Variants in CIAO2A observed in about 807,000 individuals in gnomAD.
CIAO2A encodes the protein cytosolic iron-sulfur assembly component 2A.
In CIAO2A, 17 loss-of-function variants were observed where a neutral mutation model predicts 22.4. That is an observed-to-expected ratio of 0.76 (90% CI 0.52 to 1.14). The LOEUF (loss-of-function observed/expected upper bound fraction) is 1.14, where lower values mean the gene tolerates loss of function less well. Ranked by LOEUF, CIAO2A falls within the 50% of genes most tolerant of loss-of-function variation. CIAO2A has a pLI of 0.00. For missense variants in CIAO2A, 192 were observed against 191.4 expected, an observed-to-expected ratio of 1.00 and a Z score of -0.02; for synonymous variants, 74 against 72.3, an observed-to-expected ratio of 1.02 and a Z score of -0.12.
Position 64,072,654 on chromosome 15 carries a change from T to G in CIAO2A, c.*277A>C, listed in dbSNP as rs1247396911. The G allele has an allele frequency of 3.8e-6, 1 of 262,760 alleles. No individual in the cohort carries two copies. The highest frequency in any genetic ancestry group is 2.2e-5 in the African/African-American group (1 of 45,270). 16.3% of individuals were successfully genotyped at this position (262,760 alleles called of 1,614,324 possible). A position where few individuals can be genotyped will look rare whatever the true frequency, so the allele number is the denominator to read the frequency against. ...AGATATTTGACACGAAAAATAGTTG[T>G]ATCAGAATGAGCATCAGAAAAATAG... is the stretch of plus-strand genomic sequence containing the variant. On this transcript the variant is annotated 3_prime_UTR_variant, in exon 5 of 5. Transcript: ENST00000300030.
In CIAO2A at chr15:64,092,232, C is replaced by T. The variant is rs544807727; in HGVS notation, c.124+1413G>A. Among the ~76,000 whole-genome samples the T allele has an allele frequency of 1.4e-4, 21 of 152,258 alleles. No individual in the cohort carries two copies. The South Asian group carries it at 3.5e-3, about 26-fold the overall frequency. On this transcript the variant is annotated intron_variant, in intron 1 of 4. Coordinates refer to ENST00000300030, the MANE Select transcript of CIAO2A (RefSeq NM_032231.7). ...AGAACAATGTTCAACCACATCTTCA[C>T]ATTTAACCACAAACCCTATCCTATA...
At position 64,072,957 on chromosome 15, in the gene CIAO2A, C is replaced by A; in HGVS notation, c.457G>T (p.Glu153Ter). 2 of 1,613,614 alleles carry A rather than the reference C, an allele frequency of 1.2e-6. No individual in the cohort carries two copies. The highest frequency in any genetic ancestry group is 1.7e-6 in the Non-Finnish European group (2 of 1,179,596). Residue 153 changes from glutamate to a stop codon, truncating the protein, a stop_gained, in exon 5 of 5, where the codon GAA becomes TAA. Coordinates refer to ENST00000300030, the MANE Select transcript of CIAO2A (RefSeq NM_032231.7). LOFTEE classifies it high-confidence loss of function. ...MENPNLREIV[E>*]QCVLEPD ...CAGTCAGGTTCAAGGACACACTGTT[C>A]CACAATTTCCCGTAAGTTGGGGTTT...
In CIAO2A at chr15:64,075,517, T is replaced by A; in HGVS notation, c.360A>T (p.Glu120Asp). 6.3e-7 allele frequency: 1 copy of A among 1,584,776 alleles called. No homozygotes were observed. The highest frequency in any genetic ancestry group is 8.6e-7 in the Non-Finnish European group (1 of 1,165,126). The change falls in exon 4 of 5, where the codon GAA becomes GAT. Residue 120 changes from glutamate to aspartate, a missense_variant. Glu to Asp is a conservative substitution (Grantham distance 45). Transcript: ENST00000300030. ...TGTCTTCTTCTGTTGAGTGGGTTCC[T>A]TCAGAAATGTAGATTTCCAACTGGA... ...FKHKLEIYIS[E>D]GTHSTEEDIN...
intron 1 of CIAO2A, among the ~76,000 whole-genome samples, chr15:64,090,904 G>A (rs2080835227): frequency 6.6e-6 from 1 of 152,118 alleles, no homozygotes; most frequent in Non-Finnish European, 1.5e-5. Flanking sequence ...AAGGGAGTGG[G>A]ATCAAATATT....
chr15:64,074,557 T>C (rs2080702109), intron 4 of CIAO2A: 1 of 152,208 alleles, frequency 6.6e-6, no homozygotes, highest in African/African-American at 2.4e-5. Context: ...TCGTGGGGTT[T>C]AAAGAAATTC....
At chr15:64,074,102 A>T (rs548028097) in intron 4 of CIAO2A, among the ~76,000 whole-genome samples, 47 of 152,108 alleles carry the variant, frequency 3.1e-4, no homozygotes, top group East Asian at 2.3e-3. Flanking sequence ...ATCTTTTTTT[A>T]AAATTAGTTT....
intron 2 of CIAO2A, among the ~76,000 whole-genome samples, chr15:64,084,702 G>C (rs1036002254): frequency 1.3e-5 from 2 of 152,124 alleles, no homozygotes; most frequent in Non-Finnish European, 2.9e-5. Context: ...CTGGGAGGTG[G>C]AGGTTGTGGT....
In CIAO2A at chr15:64,076,385, A is replaced by G. The variant is rs569704147; in HGVS notation, c.340-848T>C. On this transcript the variant is annotated intron_variant, in intron 3 of 4. Coordinates refer to ENST00000300030, the MANE Select transcript of CIAO2A (RefSeq NM_032231.7). ...CTTGTTTTACAAAAATGGGATCACA[A>G]TATAGTTTTCAGCATCCTTCTTTTC... Among the ~76,000 whole-genome samples the G allele has an allele frequency of 9.2e-4, 140 of 152,268 alleles. 1 individual carries two copies. The highest frequency in any genetic ancestry group is 3.0e-3 in the African/African-American group (124 of 41,556).
chr15:64,080,217 C>G (rs1301230981), intron 3 of CIAO2A, among the ~76,000 whole-genome samples: 1 of 151,650 alleles, frequency 6.6e-6, no homozygotes, highest in Non-Finnish European at 1.5e-5. Flanking sequence ...GAAACCCTGT[C>G]TCTACTAAAA....
chr15:64,085,442 C>T (rs1265302783), intron 2 of CIAO2A, among the ~76,000 whole-genome samples: 1 of 152,090 alleles, frequency 6.6e-6, no homozygotes, highest in African/African-American at 2.4e-5. Context: ...AGGCTGCCTG[C>T]AGTGAGCCGA....
intron 2 of CIAO2A, among the ~76,000 whole-genome samples, chr15:64,085,514 A>T (rs780217233): frequency 1.3e-5 from 2 of 152,230 alleles, no homozygotes; most frequent in Non-Finnish European, 2.9e-5. Flanking sequence ...CAACAAAAAA[A>T]ATTTAAAAAA....
Position 64,076,045 on chromosome 15 carries a change from G to C in CIAO2A, c.340-508C>G, listed in dbSNP as rs1272016461. 2.6e-5 allele frequency among the ~76,000 whole-genome samples: 4 copies of C among 151,782 alleles called. No individual in the cohort carries two copies. In the East Asian group the frequency reaches 7.7e-4, roughly 29 times the overall value. ...AAAAAAAAAAGGACTGAAATGAGTA[G>C]GATTTTTTATTTTGTTCACCTGGAA... On this transcript the variant is annotated intron_variant, in intron 3 of 4. Transcript: ENST00000300030.
intron 1 of CIAO2A, among the ~76,000 whole-genome samples, chr15:64,092,251 T>A (rs2080846004): frequency 6.6e-6 from 1 of 152,014 alleles, no homozygotes. Context: ...ACAAACCCTA[T>A]CCTATAGCCC....
At chr15:64,089,328 G>C (rs183470040) in intron 1 of CIAO2A, among the ~76,000 whole-genome samples, 3 of 152,220 alleles carry the variant, frequency 2.0e-5, no homozygotes, top group Non-Finnish European at 4.4e-5. Context: ...TTCGAGACCA[G>C]CCTCAGCAAC....
chr15:64,093,779 A>C lies in CIAO2A; in HGVS notation c.-11T>G, dbSNP rs550787928. 1.8e-4 allele frequency: 286 copies of C among 1,609,402 alleles called. 2 individuals are homozygous for C. The Middle Eastern group carries it at 2.2e-3, about 12-fold the overall frequency. On this transcript the variant is annotated 5_prime_UTR_variant, in exon 1 of 5. Transcript: ENST00000300030. The stretch of plus-strand genomic sequence containing the variant: ...GGACACCCGCTGCATCTTCACGCTC[A>C]GCCATCCCTGGCGACTGTCCCAATC...
At chr15:64,085,943 C>T (rs928122807) in intron 2 of CIAO2A, among the ~76,000 whole-genome samples, 3 of 151,492 alleles carry the variant, frequency 2.0e-5, no homozygotes, top group East Asian at 2.0e-4. Context: ...CTCCTGACCT[C>T]ATGATCTGCC....
In CIAO2A at chr15:64,093,704, G is replaced by C; in HGVS notation, c.65C>G (p.Ser22Cys). 6.2e-7 allele frequency: 1 copy of C among 1,614,026 alleles called. No individual in the cohort carries two copies. The highest frequency in any genetic ancestry group is 1.7e-5 in the Admixed American group (1 of 60,020). ...GGGCTGCCGGGCAGCTCCCGGCTCAGAGAGGCCGGAGAGCCACAGGACTCT... is the reference window on the plus strand; with the variant it reads ...GGGCTGCCGGGCAGCTCCCGGCTCACAGAGGCCGGAGAGCCACAGGACTCT... ...LSRVLWLSGL[S>C]EPGAARQPRI... Residue 22 changes from serine to cysteine, a missense_variant, in exon 1 of 5, where the codon TCT becomes TGT. Transcript: ENST00000300030.
At chr15:64,090,856 T>C (rs1388423200) in intron 1 of CIAO2A, among the ~76,000 whole-genome samples, 2 of 151,956 alleles carry the variant, frequency 1.3e-5, no homozygotes, top group African/African-American at 4.8e-5. Context: ...AAATTGAAAA[T>C]ATAAGTTGGG....
At chr15:64,073,165 T>A (rs972072333) in intron 4 of CIAO2A, 137 bp from the exon 5 acceptor site, 3 of 557,396 alleles carry the variant, frequency 5.4e-6, no homozygotes, top group African/African-American at 3.8e-5. Context: ...TTACTCATAA[T>A]GTAATTTCCC....
Sources: gnomAD v4.1 joint callset for allele counts (sites outside exome capture counted in the v4.1 genomes callset) on GRCh38, gnomAD v4.1.1 for gene constraint, MANE v1.5 for transcripts, NCBI Gene and HGNC (gene_info 2026-07-23, HGNC 2026-07-21) for gene names.